The following TNRC6B variants were observed in gnomAD, a reference collection of about 807,000 sequenced individuals.
TNRC6B encodes the protein trinucleotide repeat-containing gene 6B protein.
Under a neutral mutation model 203.6 loss-of-function variants are expected in TNRC6B, and 52 were observed. That is an observed-to-expected ratio of 0.26 (90% CI 0.20 to 0.32). The LOEUF is 0.32. Ranked by LOEUF, TNRC6B falls within the 10% of genes least tolerant of loss-of-function variation. The pLI is 1.00. For synonymous variants in TNRC6B, 838 were observed against 845.7 expected, an observed-to-expected ratio of 0.99 and a Z score of 0.16; for missense variants, 1,923 against 2,286.2, an observed-to-expected ratio of 0.84 and a Z score of 3.24.
At chr22:40,223,697 T>C (rs1334463121) in intron 1 of TNRC6B, among the ~76,000 whole-genome samples, 3 of 152,220 alleles carry the variant, frequency 2.0e-5, no homozygotes, top group Non-Finnish European at 4.4e-5. Flanking sequence ...TCTGATCTTT[T>C]GCCGTTACAA....
intron 3 of TNRC6B, among the ~76,000 whole-genome samples, chr22:40,129,182 A>G (rs1420953968): frequency 6.6e-6 from 1 of 152,204 alleles, no homozygotes; most frequent in African/African-American, 2.4e-5. Flanking sequence ...CTGTGGGCCA[A>G]GTGTGACAGG....
chr22:40,279,975 CTG>C lies in TNRC6B; in HGVS notation c.3263-16_3263-15del, dbSNP rs1201973465. On this transcript the variant is annotated intron_variant, in intron 9 of 22. Transcript: ENST00000454349. ...AACATTGATTCTGGAAATTTTCACT[CTG>C]TGTATGCTACTTTTCAGGAAGCCTT... 5 of 1,612,066 alleles carry C rather than the reference CTG, an allele frequency of 3.1e-6. No individual in the cohort carries two copies. In the East Asian group the frequency reaches 6.7e-5, roughly 22 times the overall value.
At chr22:40,292,756 A>C (rs2070885706) in intron 12 of TNRC6B, among the ~76,000 whole-genome samples, 1 of 152,182 alleles carries the variant, frequency 6.6e-6, no homozygotes, top group African/African-American at 2.4e-5. Context: ...GGGGCAGTAC[A>C]TTTGCAATCC....
intron 1 of TNRC6B, among the ~76,000 whole-genome samples, chr22:40,098,627 G>A (rs533753915): frequency 6.6e-6 from 1 of 151,910 alleles, no homozygotes; most frequent in Non-Finnish European, 1.5e-5. Context: ...ACTCCCTTGG[G>A]GTGGGTTTAT....
chr22:40,156,012 A>G, intron 3 of TNRC6B: 1 of 999,822 alleles, frequency 1.0e-6, no homozygotes, highest in Non-Finnish European at 1.5e-6. Context: ...TGTGCACCAC[A>G]GTGAAACGGC....
intron 1 of TNRC6B, among the ~76,000 whole-genome samples, chr22:40,050,646 C>G (rs962108656): frequency 1.3e-5 from 2 of 152,102 alleles, no homozygotes; most frequent in Non-Finnish European, 2.9e-5. Context: ...TTTTTCATAG[C>G]TGTCACCACA....
At chr22:40,155,986 G>T in intron 3 of TNRC6B, 1 of 691,984 alleles carries the variant, frequency 1.4e-6, no homozygotes, top group Non-Finnish European at 2.4e-6. Flanking sequence ...AAAACCATTG[G>T]CCCAGGCTTC....
At chr22:40,269,719 TA>T (rs763753722) in intron 5 of TNRC6B, among the ~76,000 whole-genome samples, 48 of 145,300 alleles carry the variant, frequency 3.3e-4, no homozygotes, top group Admixed American at 4.2e-4. Context: ...TGTCTCTACT[TA>T]AAAAAAAAAA....
intron 12 of TNRC6B, among the ~76,000 whole-genome samples, chr22:40,292,678 G>A (rs1280015430): frequency 1.3e-5 from 2 of 152,222 alleles, no homozygotes; most frequent in Admixed American, 1.3e-4. Flanking sequence ...CAGCCCAGGC[G>A]GGCGTGAGCA....
At chr22:40,175,001 G>A (rs1368482455), upstream of TNRC6B, among the ~76,000 whole-genome samples, 1 of 151,960 alleles carries the variant, frequency 6.6e-6, no homozygotes, top group East Asian at 1.9e-4. Flanking sequence ...TTAGATAAAC[G>A]ATTAGACTAA....
At chr22:40,284,968 G>A (rs763287782) in intron 11 of TNRC6B, among the ~76,000 whole-genome samples, 38 of 152,158 alleles carry the variant, frequency 2.5e-4, no homozygotes, top group Admixed American at 5.9e-4. Flanking sequence ...CAGTGAGTTG[G>A]GCCTCCAGAA....
chr22:40,116,116 G>A (rs940329257), intron 1 of TNRC6B, among the ~76,000 whole-genome samples: 5 of 152,332 alleles, frequency 3.3e-5, no homozygotes, highest in Non-Finnish European at 7.3e-5. Context: ...CTAACGTGGG[G>A]CTGAAGCCCT....
Position 40,266,888 on chromosome 22 carries a change from A to T in TNRC6B, c.2658A>T (p.Lys886Asn). 1.2e-6 allele frequency: 2 copies of T among 1,614,022 alleles called. No homozygotes were observed. Among genetic ancestry groups the T allele is most frequent in the Non-Finnish European group, 1.7e-6 (2 of 1,179,894 alleles). The change falls in exon 5 of 23, where the codon AAA becomes AAT. Residue 886 changes from lysine (K) to asparagine (N), a missense_variant. By Grantham distance (94) the Lys-to-Asn change is moderately conservative. Around this residue, in one of 8 missense-constraint regions of TNRC6B, gnomAD observed 599 missense variants for 656.5 expected, o/e 0.91. Transcript: ENST00000454349. Reference sequence around the variant, plus strand: ...CATCCCCACAGTCAATTAGTCGGAAAATGGACATTGATGATGGCACTTCAG... The same window carrying T: ...CATCCCCACAGTCAATTAGTCGGAATATGGACATTGATGATGGCACTTCAG... ...EEPSPQSISR[K>N]MDIDDGTSAW...
intron 1 of TNRC6B, among the ~76,000 whole-genome samples, chr22:40,220,347 T>C (rs980258510): frequency 6.6e-6 from 1 of 152,160 alleles, no homozygotes; most frequent in Admixed American, 6.5e-5. Flanking sequence ...GCAGCAGGTA[T>C]ACTCAGGTGC....
At chr22:40,197,933 A>G (rs926393908) in intron 1 of TNRC6B, among the ~76,000 whole-genome samples, 5 of 152,092 alleles carry the variant, frequency 3.3e-5, no homozygotes, top group Admixed American at 1.3e-4. Context: ...TTTAAGCAAC[A>G]TGACAGATTA....
Position 40,177,934 on chromosome 22 carries a change from G to A in TNRC6B, c.-202G>A. 7.3e-7 allele frequency: 1 copy of A among 1,366,700 alleles called. No individual in the cohort carries two copies. Among genetic ancestry groups the A allele is most frequent in the Non-Finnish European group, 9.4e-7 (1 of 1,063,588 alleles). The allele number at this position is 1,366,700 out of a possible 1,614,324, so 84.7% of individuals were successfully genotyped here. A position where few individuals can be genotyped will look rare whatever the true frequency, so the allele number is the denominator to read the frequency against. ...AAAAGCTGCTTCCTTTAGAGACAGA[G>A]AGGGAGAGAGAGAGCAAGAGGGAGA... On this transcript the variant is annotated 5_prime_UTR_variant, in exon 1 of 23. Coordinates refer to ENST00000454349, the MANE Select transcript of TNRC6B (RefSeq NM_001162501.2).
At chr22:40,180,284 T>TA (rs1189844614) in intron 1 of TNRC6B, among the ~76,000 whole-genome samples, 1 of 152,212 alleles carries the variant, frequency 6.6e-6, no homozygotes, top group South Asian at 2.1e-4. Flanking sequence ...AAGTTGGTCT[T>TA]ACTGAAGAGG....
intron 3 of TNRC6B, among the ~76,000 whole-genome samples, chr22:40,137,470 A>G (rs374530227): frequency 1.3e-4 from 20 of 152,304 alleles, no homozygotes; most frequent in African/African-American, 4.8e-4. Context: ...AGTTTATAGA[A>G]CTATAGACTT....
chr22:40,279,609 A>G (rs1601484760), intron 9 of TNRC6B, among the ~76,000 whole-genome samples: 1 of 152,160 alleles, frequency 6.6e-6, no homozygotes, highest in Non-Finnish European at 1.5e-5. Flanking sequence ...AAAAACAGAC[A>G]ACTTCTCTCC....
Sources: gnomAD v4.1 joint callset for allele counts (sites outside exome capture counted in the v4.1 genomes callset) on GRCh38, gnomAD v4.1.1 for gene constraint, gnomAD v4.1.1 regional missense constraint, MANE v1.5 for transcripts, NCBI Gene and HGNC (gene_info 2026-07-23, HGNC 2026-07-21) for gene names.